The following IL7 variants were observed in gnomAD, a reference collection of about 807,000 sequenced individuals.
The protein encoded by IL7 is interleukin-7.
In IL7, 3 loss-of-function variants were observed where a neutral mutation model predicts 21.6. The ratio of observed to expected loss-of-function variants is 0.14; its 90% confidence interval spans 0.06 to 0.36. IL7 has a LOEUF of 0.36. Among genes scored for constraint, IL7 ranks in the 10% least tolerant of loss-of-function variants. The pLI, the probability that IL7 is intolerant of heterozygous loss-of-function variation, is 1.00. For synonymous variants in IL7, 62 were observed against 68.1 expected (o/e 0.91, Z 0.44); for missense variants, 175 against 200.2 (o/e 0.87, Z 0.76).
In IL7 at chr8:78,733,547, A is replaced by G; in HGVS notation, c.*166T>C. The G allele has an allele frequency of 1.7e-6, 1 of 585,468 alleles. No individual in the cohort carries two copies. Among genetic ancestry groups the G allele is most frequent in the Non-Finnish European group, 2.9e-6 (1 of 345,018 alleles). 36.3% of individuals were successfully genotyped at this position (585,468 alleles called of 1,614,324 possible). A position where few individuals can be genotyped will look rare whatever the true frequency, so the allele number is the denominator to read the frequency against. ...CATTCAGTTTCCATTGTTTGTATTC[A>G]TCTTCTAGTAATACAATATGCATTT... On this transcript the variant is annotated 3_prime_UTR_variant, in exon 6 of 6. Coordinates refer to ENST00000263851, the MANE Select transcript of IL7 (RefSeq NM_000880.4).
intron 2 of IL7, among the ~76,000 whole-genome samples, chr8:78,741,632 TA>T (rs1811783904): frequency 6.6e-6 from 1 of 152,228 alleles, no homozygotes; most frequent in Non-Finnish European, 1.5e-5. Context: ...AGGTTATTAA[TA>T]AAACTTATTT....
At chr8:78,789,660 G>A (rs560182053) in intron 2 of IL7, among the ~76,000 whole-genome samples, 1 of 152,218 alleles carries the variant, frequency 6.6e-6, no homozygotes, top group East Asian at 1.9e-4. Flanking sequence ...GTTAGTCAGG[G>A]CCCACTGACA....
At chr8:78,708,677 T>A (rs1810859421) in intron 3 of IL7, among the ~76,000 whole-genome samples, 1 of 151,386 alleles carries the variant, frequency 6.6e-6, no homozygotes, top group Admixed American at 6.6e-5. Flanking sequence ...ATTATCTTTT[T>A]TTTTTCTTTT....
intron 3 of IL7, among the ~76,000 whole-genome samples, chr8:78,706,909 G>C (rs899776977): frequency 5.9e-5 from 9 of 152,070 alleles, no homozygotes; most frequent in African/African-American, 2.2e-4. Context: ...AATATCTTTT[G>C]AGTTAAGTGA....
At chr8:78,699,713 T>G (rs1810539438) in intron 3 of IL7, among the ~76,000 whole-genome samples, 1 of 152,188 alleles carries the variant, frequency 6.6e-6, no homozygotes, top group Non-Finnish European at 1.5e-5. Flanking sequence ...AGTGAGAACA[T>G]GCAGTATTTG....
At chr8:78,760,364 A>T in intron 2 of IL7, 1 of 1,610,846 alleles carries the variant, frequency 6.2e-7, no homozygotes, top group African/African-American at 1.3e-5. Context: ...CCTTCATCAC[A>T]GAAGAATACA....
At chr8:78,796,133 A>G (rs1563439342) in intron 2 of IL7, among the ~76,000 whole-genome samples, 1 of 152,070 alleles carries the variant, frequency 6.6e-6, no homozygotes, top group Non-Finnish European at 1.5e-5. Flanking sequence ...CCTTGGAAAA[A>G]ATTAACTCTT....
At chr8:78,708,093 A>G (rs530978760) in intron 3 of IL7, among the ~76,000 whole-genome samples, 11 of 152,342 alleles carry the variant, frequency 7.2e-5, no homozygotes, top group African/African-American at 2.2e-4. Context: ...AGAATTACTT[A>G]AAGTTTGTAT....
intron 6 of IL7, chr8:78,718,466 A>G (rs928509645): frequency 2.6e-5 from 4 of 151,938 alleles, no homozygotes; most frequent in Non-Finnish European, 5.9e-5. Flanking sequence ...GTAACTAATC[A>G]TTAGTGCAGA....
intron 3 of IL7, among the ~76,000 whole-genome samples, chr8:78,690,042 A>G (rs1187222777): frequency 6.6e-6 from 1 of 152,146 alleles, no homozygotes; most frequent in Non-Finnish European, 1.5e-5. Flanking sequence ...TTTTAGCACG[A>G]TTTGTTTAAA....
In IL7 at chr8:78,798,616, T is replaced by C. The variant is rs552707201; in HGVS notation, c.11-408A>G. On this transcript the variant is annotated intron_variant, in intron 1 of 5. Coordinates refer to ENST00000263851, the MANE Select transcript of IL7 (RefSeq NM_000880.4). Reference sequence around the variant, plus strand: ...TTTTATGATGTACTGCACGTAATTGTATATTTTTGTAAACCTTGATGGTAG... The same window carrying C: ...TTTTATGATGTACTGCACGTAATTGCATATTTTTGTAAACCTTGATGGTAG... Among the ~76,000 whole-genome samples, 3 of 151,934 alleles carry C rather than the reference T, an allele frequency of 2.0e-5. No homozygotes were observed. The South Asian group carries it at 6.2e-4, about 31-fold the overall frequency.
chr8:78,740,108 T>C (rs753354617), intron 2 of IL7, 26 bp from the exon 3 acceptor site: 13 of 1,290,610 alleles, frequency 1.0e-5, no homozygotes, highest in South Asian at 1.9e-5. Flanking sequence ...TAAAATAATA[T>C]GGTTAAAACT....
intron 2 of IL7, chr8:78,760,050 G>C (rs1453435618): frequency 8.0e-7 from 1 of 1,245,932 alleles, no homozygotes; most frequent in Non-Finnish European, 1.1e-6. Flanking sequence ...AGTCCTATAG[G>C]CAAAGATATT....
chr8:78,746,976 G>C (rs1811999313), intron 2 of IL7: 1 of 450,244 alleles, frequency 2.2e-6, no homozygotes, highest in Non-Finnish European at 4.5e-6. Flanking sequence ...AAGTCAATAT[G>C]GTTCACAGTT....
chr8:78,690,654 A>C (rs1810180875), intron 3 of IL7, among the ~76,000 whole-genome samples: 1 of 152,106 alleles, frequency 6.6e-6, no homozygotes, highest in Non-Finnish European at 1.5e-5. Flanking sequence ...GACTTCTAGC[A>C]TTTGAGATTA....
At chr8:78,784,284 C>T (rs1437740727) in intron 2 of IL7, among the ~76,000 whole-genome samples, 1 of 152,146 alleles carries the variant, frequency 6.6e-6, no homozygotes, top group Non-Finnish European at 1.5e-5. Flanking sequence ...TGGTAGTCCA[C>T]AACCTGGAAG....
intron 4 of IL7, among the ~76,000 whole-genome samples, chr8:78,736,958 G>A (rs1181110434): frequency 6.6e-6 from 1 of 152,090 alleles, no homozygotes; most frequent in Non-Finnish European, 1.5e-5. Flanking sequence ...AAAGCTTGTA[G>A]CGTGCCTGGC....
chr8:78,694,433 A>G (rs1331661343), intron 3 of IL7, among the ~76,000 whole-genome samples: 1 of 151,998 alleles, frequency 6.6e-6, no homozygotes, highest in Non-Finnish European at 1.5e-5. Context: ...TATTCCTTTT[A>G]GGTATCTATG....
intron 3 of IL7, chr8:78,697,399 T>C (rs1810458463): frequency 1.3e-6 from 2 of 1,572,760 alleles, no homozygotes; most frequent in African/African-American, 1.4e-5. Context: ...TTTTTTCCAT[T>C]ATTTTAGTAT....
Sources: gnomAD v4.1 joint callset for allele counts (sites outside exome capture counted in the v4.1 genomes callset) on GRCh38, gnomAD v4.1.1 for gene constraint, MANE v1.5 for transcripts, NCBI Gene and HGNC (gene_info 2026-07-23, HGNC 2026-07-21) for gene names.